The following DPP6 variants were observed in gnomAD, a reference collection of about 807,000 sequenced individuals.
DPP6 encodes dipeptidyl peptidase like 6.
Under a neutral mutation model 122.6 loss-of-function variants are expected in DPP6, and 69 were observed. The observed-to-expected ratio is 0.56, with a 90% confidence interval of 0.46 to 0.69. The LOEUF is 0.69. DPP6 is among the 30% of genes least tolerant of loss of function. DPP6 has a pLI of 0.00. For synonymous variants in DPP6, 418 were observed against 433.1 expected (o/e 0.97, Z 0.43); for missense variants, 928 against 1,116.9 (o/e 0.83, Z 2.41).
At chr7:154,463,424 G>T (rs558939016) in intron 2 of DPP6, among the ~76,000 whole-genome samples, 2 of 151,778 alleles carry the variant, frequency 1.3e-5, no homozygotes, top group Non-Finnish European at 2.9e-5. Context: ...AGCCAGGATG[G>T]TCTCGATCTC....
intron 1 of DPP6, among the ~76,000 whole-genome samples, chr7:154,208,896 C>G (rs1005232978): frequency 6.6e-6 from 1 of 152,132 alleles, no homozygotes; most frequent in Non-Finnish European, 1.5e-5. Flanking sequence ...TTTAAAGATT[C>G]TTTCCTTGCC....
intron 1 of DPP6, among the ~76,000 whole-genome samples, chr7:154,016,485 G>T (rs1798425354): frequency 6.6e-6 from 1 of 151,748 alleles, no homozygotes; most frequent in Non-Finnish European, 1.5e-5. Flanking sequence ...TTGAGGATCT[G>T]GGCATGGTGG....
At chr7:154,276,243 T>C (rs542018649) in intron 1 of DPP6, among the ~76,000 whole-genome samples, 13 of 152,296 alleles carry the variant, frequency 8.5e-5, no homozygotes, top group African/African-American at 2.4e-4. Context: ...CACTTTGACA[T>C]TGAATTGCTA....
chr7:154,260,212 T>C (rs573248521), intron 1 of DPP6, among the ~76,000 whole-genome samples: 23 of 151,956 alleles, frequency 1.5e-4, no homozygotes, highest in Admixed American at 1.4e-3. Context: ...TGGGTAGGAG[T>C]TGGGGCTTTA....
chr7:154,793,974 G>A, intron 10 of DPP6, 105 bp from the exon 11 acceptor site: 2 of 1,472,364 alleles, frequency 1.4e-6, no homozygotes, highest in Non-Finnish European at 1.8e-6. Flanking sequence ...CACTGGCTCC[G>A]GCCCCCGGCT....
intron 5 of DPP6, among the ~76,000 whole-genome samples, chr7:154,598,603 A>G (rs547366194): frequency 1.3e-5 from 2 of 152,320 alleles, no homozygotes; most frequent in East Asian, 3.9e-4. Context: ...GTTATCCCCT[A>G]GAAACAATCA....
At chr7:153,985,002 C>T (rs1014708079) in intron 1 of DPP6, among the ~76,000 whole-genome samples, 10 of 152,198 alleles carry the variant, frequency 6.6e-5, no homozygotes, top group East Asian at 5.8e-4. Context: ...CTTCATTTAT[C>T]GGCCAGCCTT....
intron 1 of DPP6, among the ~76,000 whole-genome samples, chr7:153,918,607 TC>T: frequency 1.2e-5 from 1 of 80,734 alleles, no homozygotes. Context: ...TCTCTCTCTC[TC>T]TCTCTCTCTC....
chr7:154,346,161 G>A (rs1410910761), intron 1 of DPP6, among the ~76,000 whole-genome samples: 1 of 152,106 alleles, frequency 6.6e-6, no homozygotes, highest in African/African-American at 2.4e-5. Flanking sequence ...TTATTTGCGA[G>A]TATATCTCAC....
chr7:154,145,056 G>A (rs534278874), intron 1 of DPP6, among the ~76,000 whole-genome samples: 12 of 152,250 alleles, frequency 7.9e-5, no homozygotes, highest in Non-Finnish European at 1.2e-4. Flanking sequence ...TGGCCCTGGC[G>A]CCTACACACC....
chr7:153,833,879 A>T, the DPP6 span, among the ~76,000 whole-genome samples: 2 of 152,208 alleles, frequency 1.3e-5, no homozygotes, highest in Non-Finnish European at 2.9e-5. Context: ...TCATCTCTGC[A>T]GCCTTTAAGA....
chr7:154,282,234 T>A lies in DPP6; in HGVS notation c.244-163980T>A, dbSNP rs1263063087. On this transcript the variant is annotated intron_variant, in intron 1 of 25. Coordinates refer to ENST00000377770, the MANE Select transcript of DPP6 (RefSeq NM_130797.4). The surrounding 1 kb of genome is among the most constrained non-coding windows in gnomAD (Gnocchi z 4.8). ...ATAGAGAAGACTCCAATCTGTGGTTTTCATTGATGGTGGCAGCTTTAGCCA... is the reference window on the plus strand; with the variant it reads ...ATAGAGAAGACTCCAATCTGTGGTTATCATTGATGGTGGCAGCTTTAGCCA... Among the ~76,000 whole-genome samples, 1 of 152,172 alleles carries A rather than the reference T, an allele frequency of 6.6e-6. No individual in the cohort carries two copies. Among genetic ancestry groups the A allele is most frequent in the Non-Finnish European group, 1.5e-5 (1 of 68,016 alleles).
In DPP6 at chr7:154,859,004, C is replaced by T. The variant is rs117173891; in HGVS notation, c.1714+5177C>T. ...TTGTCTTATCTGACTACCAAGCAGGCGCTCTTGACTGTGGGCTGGGGGCTG... is the reference window on the plus strand; with the variant it reads ...TTGTCTTATCTGACTACCAAGCAGGTGCTCTTGACTGTGGGCTGGGGGCTG... On this transcript the variant is annotated intron_variant, in intron 17 of 25. Coordinates refer to ENST00000377770, the MANE Select transcript of DPP6 (RefSeq NM_130797.4). Among the ~76,000 whole-genome samples, 250 of 152,320 alleles carry T rather than the reference C, an allele frequency of 1.6e-3. 1 individual carries two copies. The highest frequency in any genetic ancestry group is 4.4e-3 in the Admixed American group (67 of 15,306).
the DPP6 span, among the ~76,000 whole-genome samples, chr7:153,850,398 C>T: frequency 6.6e-6 from 1 of 152,174 alleles, no homozygotes; most frequent in Non-Finnish European, 1.5e-5. Flanking sequence ...TGGTAGCTTG[C>T]TTCTGCAGAG....
intron 1 of DPP6, among the ~76,000 whole-genome samples, chr7:154,125,493 A>G (rs542434045): frequency 1.3e-5 from 2 of 152,336 alleles, no homozygotes; most frequent in African/African-American, 4.8e-5. Context: ...CTAAAGAGCA[A>G]TGCACCTGAG....
At chr7:154,401,938 G>A (rs1815646635) in intron 1 of DPP6, among the ~76,000 whole-genome samples, 1 of 152,128 alleles carries the variant, frequency 6.6e-6, no homozygotes, top group South Asian at 2.1e-4. Flanking sequence ...TTGGGCAAAG[G>A]ACATGAACAG....
At chr7:154,805,023 G>A in intron 15 of DPP6, 59 bp downstream of exon 15, 1 of 1,548,420 alleles carries the variant, frequency 6.5e-7, no homozygotes, top group Non-Finnish European at 8.8e-7. Context: ...TCCAGGCTTT[G>A]CAGAATTGCA....
intron 16 of DPP6, among the ~76,000 whole-genome samples, chr7:154,824,650 G>A (rs1294316417): frequency 6.6e-6 from 1 of 152,166 alleles, no homozygotes; most frequent in Admixed American, 6.5e-5. Context: ...CCTAACAAAA[G>A]TTTTTACTTT....
chr7:153,977,746 C>T (rs933232069), intron 1 of DPP6, among the ~76,000 whole-genome samples: 1 of 152,130 alleles, frequency 6.6e-6, no homozygotes, highest in African/African-American at 2.4e-5. Context: ...GTGATGTTCC[C>T]CTCACTGTGC....
Sources: gnomAD v4.1 joint callset for allele counts (sites outside exome capture counted in the v4.1 genomes callset) on GRCh38, gnomAD v4.1.1 for gene constraint, Gnocchi (gnomAD v3.1) non-coding constraint, MANE v1.5 for transcripts, NCBI Gene and HGNC (gene_info 2026-07-23, HGNC 2026-07-21) for gene names.